The following ABCG2 variants were observed in gnomAD, a reference collection of about 807,000 sequenced individuals.
ABCG2 encodes the protein ATP binding cassette subfamily G member 2 (JR blood group).
Under a neutral mutation model 73.5 loss-of-function variants are expected in ABCG2, and 80 were observed. The ratio of observed to expected loss-of-function variants is 1.09; its 90% confidence interval spans 0.91 to 1.31. The LOEUF (loss-of-function observed/expected upper bound fraction) is 1.31. Among genes scored for constraint, ABCG2 ranks in the 50% most tolerant of loss-of-function variants. ABCG2 has a pLI of 0.00. For synonymous variants in ABCG2, 269 were observed against 282.4 expected, an observed-to-expected ratio of 0.95 and a Z score of 0.48; for missense variants, 796 against 786.2, an observed-to-expected ratio of 1.01 and a Z score of -0.15.
chr4:88,112,193 G>A lies in ABCG2; in HGVS notation c.1194+1110C>T, dbSNP rs150495242. Reference sequence around the variant, plus strand: ...GAACAAAGAAACATTATCTCATTTTGATTAACAGAAAGTTAATCTAACAAT... The same window carrying A: ...GAACAAAGAAACATTATCTCATTTTAATTAACAGAAAGTTAATCTAACAAT... On this transcript the variant is annotated intron_variant, in intron 9 of 15. Transcript: ENST00000237612. 1.1e-3 allele frequency among the ~76,000 whole-genome samples: 163 copies of A among 152,196 alleles called. 1 individual carries two copies. The highest frequency in any genetic ancestry group is 3.9e-3 in the African/African-American group (162 of 41,516).
chr4:88,206,696 T>C (rs1729393801), intron 1 of ABCG2: 1 of 152,244 alleles, frequency 6.6e-6, no homozygotes, highest in Non-Finnish European at 1.5e-5. Context: ...TTTTAATACC[T>C]AGATCCAGGC....
At chr4:88,104,336 T>C (rs1286897016) in intron 10 of ABCG2, among the ~76,000 whole-genome samples, 2 of 152,138 alleles carry the variant, frequency 1.3e-5, no homozygotes, top group South Asian at 2.1e-4. Context: ...AATTATGAAG[T>C]ACTAATATTC....
At chr4:88,180,009 A>G (rs1193161858) in intron 1 of ABCG2, among the ~76,000 whole-genome samples, 2 of 152,214 alleles carry the variant, frequency 1.3e-5, no homozygotes, top group Non-Finnish European at 2.9e-5. Context: ...AGGGGGGTAG[A>G]AATTTATTCA....
intron 1 of ABCG2, among the ~76,000 whole-genome samples, chr4:88,195,464 C>T (rs970961326): frequency 1.3e-5 from 2 of 152,106 alleles, no homozygotes; most frequent in African/African-American, 4.8e-5. Flanking sequence ...AGTCACGTGG[C>T]ACCAAAATAT....
At chr4:88,162,287 T>G (rs189139024), upstream of ABCG2, among the ~76,000 whole-genome samples, 226 of 152,200 alleles carry the variant, frequency 1.5e-3, no homozygotes, top group African/African-American at 5.0e-3. Context: ...TTTTCTAAAT[T>G]TTATGTAACA....
chr4:88,199,229 A>G (rs1450106052), intron 1 of ABCG2, among the ~76,000 whole-genome samples: 1 of 152,120 alleles, frequency 6.6e-6, no homozygotes, highest in Non-Finnish European at 1.5e-5. Context: ...TCAGCCTCCC[A>G]AAGTGCTGGA....
chr4:88,140,077 G>T, intron 1 of ABCG2, 63 bp from the exon 2 acceptor site: 1 of 1,358,476 alleles, frequency 7.4e-7, no homozygotes, highest in Non-Finnish European at 1.0e-6. Context: ...AACACTAGGT[G>T]ACAATACATT....
At chr4:88,201,209 C>CAAAAAAAAA (rs3061250) in intron 1 of ABCG2, among the ~76,000 whole-genome samples, 5 of 106,282 alleles carry the variant, frequency 4.7e-5, no homozygotes, top group South Asian at 3.2e-4. Context: ...GCACTAACTG[C>CAAAAAAAAA]AAAAAAAAAA....
upstream of ABCG2, among the ~76,000 whole-genome samples, chr4:88,161,169 ATT>A (rs34048085): frequency 8.0e-3 from 1,133 of 141,094 alleles, 11 homozygotes; most frequent in African/African-American, 0.016. Context: ...TTTTTTTTTA[ATT>A]TTTTTTTTTT....
At chr4:88,129,106 C>G (rs1020640476) in intron 5 of ABCG2, among the ~76,000 whole-genome samples, 10 of 152,162 alleles carry the variant, frequency 6.6e-5, no homozygotes, top group Admixed American at 1.3e-4. Flanking sequence ...ACTCTCTCCC[C>G]TCCCAGCCTC....
intron 1 of ABCG2, among the ~76,000 whole-genome samples, chr4:88,187,070 G>A (rs992309778): frequency 3.0e-5 from 4 of 131,164 alleles, no homozygotes; most frequent in Non-Finnish European, 4.7e-5. Flanking sequence ...CTCCAGCCTG[G>A]GAGATAGAGC....
chr4:88,141,413 G>A (rs530502455), intron 1 of ABCG2, among the ~76,000 whole-genome samples: 106 of 152,200 alleles, frequency 7.0e-4, no homozygotes, highest in African/African-American at 2.4e-3. Context: ...GAAATGAGTC[G>A]GCTTACTGAA....
rs374269602 is a variant in ABCG2 at position 88,092,266 on chromosome 4, G to A, written c.1936C>T (p.Leu646=). ...TATTTTTTAAGAAATAACAATTTCA[G>A]GTAGGCAATTGTGAGGAAAATAACA... The part of the protein sequence containing the change: ...MIVIFLTIAY[L]KLLFLKKYS Residue 646 remains leucine (L), a synonymous_variant, in exon 16 of 16, where the codon CTG becomes TTG. Coordinates refer to ENST00000237612, the MANE Select transcript of ABCG2 (RefSeq NM_004827.3). 1.2e-6 allele frequency: 2 copies of A among 1,610,528 alleles called. No homozygotes were observed. The highest frequency in any genetic ancestry group is 1.7e-5 in the Admixed American group (1 of 59,802).
chr4:88,144,004 C>T (rs1265657175), intron 1 of ABCG2, among the ~76,000 whole-genome samples: 1 of 152,194 alleles, frequency 6.6e-6, no homozygotes, highest in Non-Finnish European at 1.5e-5. Context: ...ACCAGTCTTT[C>T]CCCATGGTCA....
In ABCG2 at chr4:88,197,194, C is replaced by CAAA. The variant is rs541237674; in HGVS notation, c.-20+33799_-20+33800insTTT. ...CCAGTACATCATGTCTGGCTTTCAA[C>CAAA]AACAAAAAAAAAAAAACAAGGCATA... On this transcript the variant is annotated intron_variant, in intron 1 of 15. Transcript: ENST00000515655. 3.2e-4 allele frequency among the ~76,000 whole-genome samples: 30 copies of CAAA among 92,844 alleles called. 1 individual carries two copies. Among genetic ancestry groups the CAAA allele is most frequent in the African/African-American group, 4.0e-4 (12 of 29,834 alleles). The allele number at this position is 92,844 out of a possible 152,430, so 60.9% of individuals were successfully genotyped here.
rs148963502 is a variant in ABCG2 at position 88,175,588 on chromosome 4, G to A, written c.-19-35574C>T. 8.8e-3 allele frequency among the ~76,000 whole-genome samples: 1,333 copies of A among 152,262 alleles called. 11 individuals are homozygous for A. Among genetic ancestry groups the A allele is most frequent in the Admixed American group, 0.013 (203 of 15,288 alleles). On this transcript the variant is annotated intron_variant, in intron 1 of 15. Transcript: ENST00000515655. Reference sequence around the variant, plus strand: ...CTATATCACAATCCAAAGGTGACTGGCCAATGAATTGTTAATCTTCATAGA... The same window carrying A: ...CTATATCACAATCCAAAGGTGACTGACCAATGAATTGTTAATCTTCATAGA...
chr4:88,182,362 A>C (rs550930229), intron 1 of ABCG2, among the ~76,000 whole-genome samples: 4 of 152,340 alleles, frequency 2.6e-5, no homozygotes, highest in South Asian at 4.1e-4. Flanking sequence ...AAAATCAACA[A>C]AGAAAAATTG....
chr4:88,139,930 C>A lies in ABCG2; in HGVS notation c.66G>T (p.Ala22=). The change falls in exon 2 of 16, where the codon GCG becomes GCT. Residue 22 remains alanine, a synonymous_variant. Transcript: ENST00000237612. The part of the protein sequence containing the change: ...VSQGNTNGFP[A]TASNDLKAFT... ...ATGCCTTCAGGTCATTGGAAGCTGT[C>A]GCGGGGAAGCCATTGGTGTTTCCTT... 6.2e-7 allele frequency: 1 copy of A among 1,614,076 alleles called. No individual in the cohort carries two copies. The highest frequency in any genetic ancestry group is 8.5e-7 in the Non-Finnish European group (1 of 1,180,010).
chr4:88,184,579 A>G (rs78137213), intron 1 of ABCG2, among the ~76,000 whole-genome samples: 1 of 152,214 alleles, frequency 6.6e-6, no homozygotes, highest in Non-Finnish European at 1.5e-5. Flanking sequence ...AAGATATTCC[A>G]TGTTCATAGA....
Sources: gnomAD v4.1 joint callset for allele counts (sites outside exome capture counted in the v4.1 genomes callset) on GRCh38, gnomAD v4.1.1 for gene constraint, MANE v1.5 for transcripts, NCBI Gene and HGNC (gene_info 2026-07-23, HGNC 2026-07-21) for gene names.